The following WAS variants were observed in gnomAD, a reference collection of about 807,000 sequenced individuals.
WAS encodes the protein WASP actin nucleation promoting factor.
A neutral mutation model predicts 38.9 loss-of-function variants in WAS; 1 was observed. The ratio of observed to expected loss-of-function variants is 0.03; its 90% confidence interval spans 0.01 to 0.12. The LOEUF (loss-of-function observed/expected upper bound fraction) is 0.12, where lower values mean the gene tolerates loss of function less well. WAS is among the 10% of genes least tolerant of loss of function. WAS has a pLI of 1.00. For missense variants in WAS, 311 were observed against 431.2 expected (o/e 0.72, Z 2.47); for synonymous variants, 182 against 173.6 (o/e 1.05, Z -0.38).
intron 11 of WAS, among the ~76,000 whole-genome samples, chrX:48,690,635 C>T (rs782543411): frequency 3.8e-4 from 41 of 108,788 alleles, no homozygotes; most frequent in Non-Finnish European, 7.6e-4. Flanking sequence ...AGTGCAGTGG[C>T]GCGATCTTGG....
At chrX:48,690,061 ATTAATT>A (rs1221430030) in intron 11 of WAS, among the ~76,000 whole-genome samples, 1 of 111,658 alleles carries the variant, frequency 9.0e-6, no homozygotes, top group Non-Finnish European at 1.9e-5. Flanking sequence ...TGTTGACAAT[ATTAATT>A]TTAATTCCAT....
At chrX:48,681,449 G>C (rs1385848392), upstream of WAS, among the ~76,000 whole-genome samples, 2 of 112,444 alleles carry the variant, frequency 1.8e-5, no homozygotes, top group African/African-American at 3.2e-5. Context: ...GATTACAGGC[G>C]TAAGCCACCG....
At position 48,683,825 on chromosome X, in the gene WAS, C is replaced by T; in HGVS notation, c.-29C>T. 1 of 1,209,108 alleles carries T rather than the reference C, an allele frequency of 8.3e-7. No homozygotes were observed. Among genetic ancestry groups the T allele is most frequent in the Non-Finnish European group, 1.1e-6 (1 of 893,909 alleles). On this transcript the variant is annotated 5_prime_UTR_variant, in exon 1 of 12. Transcript: ENST00000376701. Reference sequence around the variant, plus strand: ...TCTTCTTACCCTGCACCCAGAGCCTCGCCAGAGAAGACAAGGGCAGAAAGC... The same window carrying T: ...TCTTCTTACCCTGCACCCAGAGCCTTGCCAGAGAAGACAAGGGCAGAAAGC...
At chrX:48,680,272 C>T (rs1470185035), upstream of WAS, among the ~76,000 whole-genome samples, 2 of 111,441 alleles carry the variant, frequency 1.8e-5, no homozygotes, top group Non-Finnish European at 3.8e-5. Flanking sequence ...ATCTTCCTCC[C>T]TCTAAACCGT....
intron 11 of WAS, 81 bp downstream of exon 11, chrX:48,689,515 A>T: frequency 1.2e-6 from 1 of 823,869 alleles, no homozygotes; most frequent in Non-Finnish European, 1.8e-6. Flanking sequence ...GTCACCACCA[A>T]TAGTGACATC....
intron 7 of WAS, 36 bp downstream of exon 7, chrX:48,686,991 G>C (rs1231596388): frequency 8.5e-7 from 1 of 1,171,756 alleles, no homozygotes; most frequent in Non-Finnish European, 1.1e-6. Flanking sequence ...ACAGATTCCT[G>C]GGGGCAGAGG....
At chrX:48,687,909 C>T (rs1281396741) in intron 7 of WAS, 145 bp from the exon 8 acceptor site, 1 of 620,132 alleles carries the variant, frequency 1.6e-6, no homozygotes, top group African/African-American at 2.2e-5. Flanking sequence ...ATAACTCCTG[C>T]CTATACTCAT....
chrX:48,681,766 G>C (rs2062400857), upstream of WAS, among the ~76,000 whole-genome samples: 1 of 111,833 alleles, frequency 8.9e-6, no homozygotes, highest in African/African-American at 3.3e-5. Flanking sequence ...GCTGTGAGTG[G>C]GGACACGGGA....
chrX:48,682,501 A>C (rs2062403904), upstream of WAS, among the ~76,000 whole-genome samples: 1 of 112,357 alleles, frequency 8.9e-6, no homozygotes, highest in Non-Finnish European at 1.9e-5. Flanking sequence ...GGGAGAAAGC[A>C]AGCCTTTGAA....
intron 1 of WAS, among the ~76,000 whole-genome samples, chrX:48,677,992 G>T (rs782809403): frequency 8.9e-6 from 1 of 111,893 alleles, no homozygotes; most frequent in African/African-American, 3.3e-5. Context: ...GCCTGCCCTC[G>T]GGGTGTGTTT....
intron 9 of WAS, 37 bp from the exon 10 acceptor site, chrX:48,688,623 A>G (rs782328659): frequency 3.0e-5 from 36 of 1,209,245 alleles, no homozygotes; most frequent in East Asian, 5.9e-5. Context: ...GAAGAAATCA[A>G]TGAGAGTTAC....
rs781943866 is a variant in WAS, at chrX:48,687,777, G to C, written c.735-277G>C. Among the ~76,000 whole-genome samples the C allele has an allele frequency of 4.5e-5, 5 of 111,207 alleles. No individual in the cohort carries two copies. The South Asian group carries it at 1.9e-3, about 42-fold the overall frequency. On this transcript the variant is annotated intron_variant, in intron 7 of 11. Coordinates refer to ENST00000376701, the MANE Select transcript of WAS (RefSeq NM_000377.3). ...CAGATAGTTGCAGAGACAGATGTAT[G>C]GACAGATCAGTAGTCCAACAGATGA...
At chrX:48,683,660 T>G, upstream of WAS, 1 of 541,431 alleles carries the variant, frequency 1.8e-6, no homozygotes, top group Non-Finnish European at 2.9e-6. Flanking sequence ...TGGAGGAGGG[T>G]TCCAATCTGA....
upstream of WAS, chrX:48,683,418 G>A (rs2062408181): frequency 7.6e-6 from 1 of 130,919 alleles, no homozygotes. Flanking sequence ...TAACCCTTCC[G>A]GACTAGGGAC....
upstream of WAS, among the ~76,000 whole-genome samples, chrX:48,680,010 C>T (rs1040220711): frequency 6.3e-5 from 7 of 111,402 alleles, no homozygotes; most frequent in African/African-American, 2.3e-4. Flanking sequence ...CTGAGGAGAC[C>T]CTCGACCCAA....
chrX:48,688,005 G>A, intron 7 of WAS, 49 bp from the exon 8 acceptor site: 1 of 1,174,191 alleles, frequency 8.5e-7, no homozygotes, highest in African/African-American at 1.8e-5. Flanking sequence ...TATGAAGGGA[G>A]GGAAGGAAGG....
upstream of WAS, among the ~76,000 whole-genome samples, chrX:48,680,930 T>C (rs1423249171): frequency 1.8e-5 from 2 of 111,751 alleles, no homozygotes; most frequent in Non-Finnish European, 3.8e-5. Context: ...CATCCCCTAT[T>C]CAAGGGGACA....
At chrX:48,682,226 C>G (rs1487265113), upstream of WAS, among the ~76,000 whole-genome samples, 5 of 112,237 alleles carry the variant, frequency 4.5e-5, no homozygotes, top group Non-Finnish European at 7.5e-5. Flanking sequence ...AGAAGCAGCC[C>G]AAAGGGCTGT....
intron 7 of WAS, 128 bp downstream of exon 7, chrX:48,687,083 G>C: frequency 1.1e-6 from 1 of 896,499 alleles, no homozygotes; most frequent in Non-Finnish European, 1.6e-6. Context: ...GGGTAAATGG[G>C]TGGTTGGATA....
Sources: gnomAD v4.1 joint callset for allele counts (sites outside exome capture counted in the v4.1 genomes callset) on GRCh38, gnomAD v4.1.1 for gene constraint, MANE v1.5 for transcripts, NCBI Gene and HGNC (gene_info 2026-07-23, HGNC 2026-07-21) for gene names.